Variants in SNX29 observed in about 807,000 individuals in gnomAD.
SNX29 encodes the protein sorting nexin-29.
Under a neutral mutation model 102.1 loss-of-function variants are expected in SNX29, and 78 were observed. That is an observed-to-expected ratio of 0.76 (90% CI 0.64 to 0.92). The LOEUF (loss-of-function observed/expected upper bound fraction) is 0.92, where lower values mean the gene tolerates loss of function less well. Among genes scored for constraint, SNX29 ranks in the 40% least tolerant of loss-of-function variants. The pLI, the probability that SNX29 is intolerant of heterozygous loss-of-function variation, is 0.00. For missense variants in SNX29, 1,280 were observed against 1,061.7 expected (o/e 1.21, Z -2.86); for synonymous variants, 580 against 414.5 (o/e 1.40, Z -4.85).
chr16:12,395,964 T>C (rs1291716249), intron 16 of SNX29, among the ~76,000 whole-genome samples: 1 of 152,244 alleles, frequency 6.6e-6, no homozygotes, highest in Non-Finnish European at 1.5e-5. Context: ...TATCAAGTTA[T>C]GTTCCTAACG....
At position 12,306,547 on chromosome 16, in the gene SNX29, C is replaced by T. The variant is rs149520775; in HGVS notation, c.1782+28511C>T. Among the ~76,000 whole-genome samples the T allele has an allele frequency of 3.3e-5, 5 of 152,284 alleles. 1 individual carries two copies. The highest frequency in any genetic ancestry group is 1.2e-4 in the African/African-American group (5 of 41,554). The stretch of plus-strand genomic sequence containing the variant: ...CTTTGAAATCTTTGTCCTTTCCTGG[C>T]CAGGGCTGAGCGTGTAAATGCCTTT... On this transcript the variant is annotated intron_variant, in intron 15 of 20. Coordinates refer to ENST00000566228, the MANE Select transcript of SNX29 (RefSeq NM_032167.5).
At chr16:12,014,050 A>G (rs560053836) in intron 3 of SNX29, among the ~76,000 whole-genome samples, 5 of 152,018 alleles carry the variant, frequency 3.3e-5, no homozygotes, top group Non-Finnish European at 7.4e-5. Flanking sequence ...TCCCTCCTCA[A>G]ACTCCCAAAT....
At chr16:12,561,550 C>A (rs375502907) in intron 20 of SNX29, among the ~76,000 whole-genome samples, 1 of 152,072 alleles carries the variant, frequency 6.6e-6, no homozygotes, top group Non-Finnish European at 1.5e-5. Context: ...GCCATTTTCA[C>A]TGATGAGCAG....
chr16:12,507,975 A>G (rs2089451510), intron 19 of SNX29, among the ~76,000 whole-genome samples: 1 of 152,210 alleles, frequency 6.6e-6, no homozygotes, highest in South Asian at 2.1e-4. Flanking sequence ...GGGACAGCAG[A>G]GTAGCTGGGC....
intron 20 of SNX29, among the ~76,000 whole-genome samples, chr16:12,534,856 C>A (rs1474911989): frequency 1.3e-5 from 2 of 152,132 alleles, no homozygotes; most frequent in African/African-American, 4.8e-5. Context: ...TTTTGATTGT[C>A]CCAACCATGG....
At chr16:12,304,181 G>GT (rs527286420) in intron 15 of SNX29, among the ~76,000 whole-genome samples, 12,513 of 141,850 alleles carry the variant, frequency 0.088, 993 homozygotes, top group African/African-American at 0.22. Flanking sequence ...ACTGTTTTTT[G>GT]TTTTTTTTTT....
At chr16:12,266,998 A>C (rs188810540) in intron 14 of SNX29, among the ~76,000 whole-genome samples, 2 of 152,140 alleles carry the variant, frequency 1.3e-5, no homozygotes, top group Non-Finnish European at 2.9e-5. Flanking sequence ...CTTGATCTCA[A>C]GTGATCCGCC....
chr16:12,344,971 A>G (rs976600209), intron 15 of SNX29, among the ~76,000 whole-genome samples: 2 of 152,260 alleles, frequency 1.3e-5, no homozygotes, highest in African/African-American at 2.4e-5. Context: ...TGATGGAACT[A>G]TAATTACACC....
chr16:12,239,878 A>G (rs1306079044), intron 14 of SNX29, among the ~76,000 whole-genome samples: 1 of 152,178 alleles, frequency 6.6e-6, no homozygotes, highest in Admixed American at 6.5e-5. Context: ...TTAAAGTAGC[A>G]CCAGGACAGA....
At chr16:12,002,275 C>T (rs904612711) in intron 2 of SNX29, among the ~76,000 whole-genome samples, 1 of 151,872 alleles carries the variant, frequency 6.6e-6, no homozygotes, top group Admixed American at 6.6e-5. Context: ...TAGAGAAACC[C>T]CATCTCTACT....
chr16:12,318,106 C>T (rs1014762033), intron 15 of SNX29, among the ~76,000 whole-genome samples: 2 of 152,236 alleles, frequency 1.3e-5, no homozygotes, highest in Non-Finnish European at 2.9e-5. Context: ...ACATCCTTGG[C>T]CCATTTCACA....
intron 2 of SNX29, among the ~76,000 whole-genome samples, chr16:12,002,030 A>T (rs1463051855): frequency 3.4e-5 from 4 of 117,090 alleles, no homozygotes; most frequent in Non-Finnish European, 5.7e-5. Context: ...TTTTTTTTTT[A>T]AAGAAAATTA....
At chr16:12,477,136 A>C (rs1245159663) in intron 18 of SNX29, among the ~76,000 whole-genome samples, 2 of 152,210 alleles carry the variant, frequency 1.3e-5, no homozygotes, top group Non-Finnish European at 2.9e-5. Context: ...AACTTGATTA[A>C]AATAAAGAAA....
chr16:12,013,543 C>CGAGAGAGAGAGAGAGAGAGAGAGA (rs1433909955), intron 3 of SNX29, among the ~76,000 whole-genome samples: 1 of 61,876 alleles, frequency 1.6e-5, no homozygotes, highest in African/African-American at 5.3e-5. Context: ...ATATATATAT[C>CGAGAGAGAGAGAGAGAGAGAGAGA]GAGAGAGGAG....
intron 14 of SNX29, among the ~76,000 whole-genome samples, chr16:12,268,505 G>A (rs776274430): frequency 3.3e-5 from 5 of 152,168 alleles, no homozygotes; most frequent in Non-Finnish European, 7.3e-5. Context: ...TTACTGTTAG[G>A]AAGACCATTT....
chr16:12,089,306 G>A (rs1282661621), intron 11 of SNX29, among the ~76,000 whole-genome samples: 1 of 151,872 alleles, frequency 6.6e-6, no homozygotes, highest in African/African-American at 2.4e-5. Flanking sequence ...ACTCCAGCCT[G>A]GGTGACAGAG....
intron 18 of SNX29, among the ~76,000 whole-genome samples, chr16:12,438,713 C>G (rs915348569): frequency 8.5e-5 from 13 of 152,338 alleles, no homozygotes; most frequent in African/African-American, 2.9e-4. Flanking sequence ...AATGAACAGT[C>G]AGAAAGCCCA....
At chr16:12,164,133 G>C (rs910083906) in intron 13 of SNX29, among the ~76,000 whole-genome samples, 2 of 152,130 alleles carry the variant, frequency 1.3e-5, no homozygotes, top group African/African-American at 4.8e-5. Flanking sequence ...GGAAGGATGA[G>C]GAGGAACCAG....
Position 12,064,259 on chromosome 16 carries a change from C to T in SNX29, c.1243+2613C>T, listed in dbSNP as rs534876580. 9.2e-5 allele frequency among the ~76,000 whole-genome samples: 14 copies of T among 152,286 alleles called. No homozygotes were observed. In the East Asian group the frequency reaches 1.5e-3, roughly 17 times the overall value. On this transcript the variant is annotated intron_variant, in intron 9 of 20. Transcript: ENST00000566228. ...TGGGCCTCCTGAACCATCAGACATC[C>T]GGGTCTCCTTTTTCGTGCATGTTGG...
Sources: allele counts gnomAD v4.1 joint callset (sites outside exome capture counted in the v4.1 genomes callset), GRCh38; gene constraint gnomAD v4.1.1; transcripts MANE v1.5; gene names NCBI Gene and HGNC (gene_info 2026-07-23, HGNC 2026-07-21).